PACC1: variants seen among roughly 807,000 people sequenced by gnomAD.
The protein encoded by PACC1 is proton activated chloride channel 1.
A neutral mutation model predicts 39.7 loss-of-function variants in PACC1; 34 were observed. That is an observed-to-expected ratio of 0.86 (90% CI 0.65 to 1.14). PACC1 has a LOEUF of 1.14. Among genes scored for constraint, PACC1 ranks in the 50% most tolerant of loss-of-function variants. PACC1 has a pLI of 0.00. For missense variants in PACC1, 379 were observed against 436.4 expected (o/e 0.87, Z 1.17); for synonymous variants, 127 against 160.6 (o/e 0.79, Z 1.58).
At chr1:212,372,482 C>T (rs1660498014) in intron 7 of PACC1, among the ~76,000 whole-genome samples, 1 of 151,984 alleles carries the variant, frequency 6.6e-6, no homozygotes, top group African/African-American at 2.4e-5. Flanking sequence ...CAACATAATA[C>T]TGGAAGTCCT....
chr1:212,384,257 T>C (rs3767867), intron 4 of PACC1, among the ~76,000 whole-genome samples: 70,736 of 152,026 alleles, frequency 0.47, 17,778 homozygotes, highest in African/African-American at 0.67. Flanking sequence ...AGAATCATTT[T>C]AGCAGGATTT....
At position 212,386,988 on chromosome 1, in the gene PACC1, G is replaced by A. The variant is rs781738430; in HGVS notation, c.246C>T (p.Val82=). The part of the protein sequence containing the change: ...FIYLLLMAVA[V]FLVYRTITDF... ...CTGTGATGGTCCGGTAGACCAGGAA[G>A]ACGGCCACAGCCATGAGCAGCAGGT... Residue 82 remains valine, a synonymous_variant, in exon 3 of 8, where the codon GTC becomes GTT. Coordinates refer to ENST00000261455, the MANE Select transcript of PACC1 (RefSeq NM_018252.3). The surrounding 1 kb of genome is among the most constrained non-coding windows in gnomAD (Gnocchi z 5.0). The A allele has an allele frequency of 3.1e-6, 5 of 1,614,222 alleles. No individual in the cohort carries two copies. In the East Asian group the frequency reaches 1.1e-4, roughly 36 times the overall value.
chr1:212,379,842 T>C, intron 5 of PACC1, 53 bp downstream of exon 5: 2 of 1,608,006 alleles, frequency 1.2e-6, no homozygotes, highest in Non-Finnish European at 1.7e-6. Flanking sequence ...CATACACAGC[T>C]GGAATAAGAT....
chr1:212,384,517 T>TC (rs1661024062), intron 4 of PACC1, among the ~76,000 whole-genome samples: 1 of 152,208 alleles, frequency 6.6e-6, no homozygotes, highest in African/African-American at 2.4e-5. Flanking sequence ...GTACAACATG[T>TC]CGTCTCTTCC....
intron 1 of PACC1, 124 bp from the exon 2 acceptor site, chr1:212,410,645 T>C (rs1662092171): frequency 1.2e-6 from 1 of 852,300 alleles, no homozygotes; most frequent in Admixed American, 1.8e-5. Flanking sequence ...TGACATAGAG[T>C]GTGTTACAGC....
intron 7 of PACC1, among the ~76,000 whole-genome samples, chr1:212,373,545 A>G (rs1660536312): frequency 1.3e-5 from 2 of 152,350 alleles, no homozygotes; most frequent in South Asian, 4.1e-4. Context: ...GAAACAATCA[A>G]CAAAGTTAAG....
At position 212,400,247 on chromosome 1, in the gene PACC1, T is replaced by G. The variant is rs116058918; in HGVS notation, c.133+10178A>C. ...GTGGACAGGTGTGTCCACTCTGCATTAAGCCAGATAAACATGATTTGAAAT... is the reference window on the plus strand; with the variant it reads ...GTGGACAGGTGTGTCCACTCTGCATGAAGCCAGATAAACATGATTTGAAAT... On this transcript the variant is annotated intron_variant, in intron 2 of 7. Transcript: ENST00000261455. Among the ~76,000 whole-genome samples, 365 of 152,324 alleles carry G rather than the reference T, an allele frequency of 2.4e-3. 1 individual carries two copies. Among genetic ancestry groups the G allele is most frequent in the African/African-American group, 8.3e-3 (345 of 41,564 alleles).
intron 2 of PACC1, among the ~76,000 whole-genome samples, chr1:212,403,031 G>A (rs1436283323): frequency 6.6e-6 from 1 of 152,130 alleles, no homozygotes; most frequent in Non-Finnish European, 1.5e-5. Flanking sequence ...TTTCTATGGA[G>A]AACTGATTGT....
chr1:212,392,084 T>A (rs6676887), intron 2 of PACC1, among the ~76,000 whole-genome samples: 2 of 152,036 alleles, frequency 1.3e-5, no homozygotes, highest in Admixed American at 6.6e-5. Context: ...ATTCAGGAAA[T>A]ACAGAGAATG....
intron 5 of PACC1, among the ~76,000 whole-genome samples, chr1:212,378,894 T>C (rs1660766097): frequency 6.6e-6 from 1 of 151,894 alleles, no homozygotes; most frequent in Non-Finnish European, 1.5e-5. Context: ...TGAAGGCCTT[T>C]ACAATGATCA....
intron 2 of PACC1, among the ~76,000 whole-genome samples, chr1:212,391,069 T>C (rs1661301725): frequency 1.3e-5 from 2 of 152,224 alleles, no homozygotes; most frequent in East Asian, 3.9e-4. Context: ...TAAATGTCCC[T>C]GTCTGACAGC....
intron 7 of PACC1, among the ~76,000 whole-genome samples, chr1:212,367,203 C>T (rs1363020618): frequency 6.6e-6 from 1 of 152,172 alleles, no homozygotes; most frequent in East Asian, 1.9e-4. Context: ...AAAGTATCTA[C>T]ACAAGAGCCA....
intron 4 of PACC1, among the ~76,000 whole-genome samples, chr1:212,384,944 A>G (rs1200119999): frequency 1.3e-5 from 2 of 152,276 alleles, no homozygotes; most frequent in African/African-American, 4.8e-5. Flanking sequence ...AATTCTGTCA[A>G]GTGGTCAGGT....
rs1015063005 is a variant in PACC1, at chr1:212,385,178, GGAA to G, written c.495+93_495+95del. 1.9e-5 allele frequency: 27 copies of G among 1,412,454 alleles called. 1 individual carries two copies. Among genetic ancestry groups the G allele is most frequent in the South Asian group, 1.7e-4 (14 of 81,894 alleles). The allele number at this position is 1,412,454 out of a possible 1,614,324, so 87.5% of individuals were successfully genotyped here. A position where few individuals can be genotyped will look rare whatever the true frequency, so the allele number is the denominator to read the frequency against. ...GACTAAGGCCCCACACTGAGTGAGT[GGAA>G]GAAGGACTCCTAGGAAAAAGGAAAC... On this transcript the variant is annotated intron_variant, in intron 4 of 7. Transcript: ENST00000261455.
At chr1:212,404,226 C>T (rs1321986193) in intron 2 of PACC1, among the ~76,000 whole-genome samples, 1 of 152,092 alleles carries the variant, frequency 6.6e-6, no homozygotes, top group African/African-American at 2.4e-5. Context: ...CCTGCCTCAG[C>T]CTCCCGAGTA....
intron 7 of PACC1, among the ~76,000 whole-genome samples, chr1:212,370,056 T>C (rs929313984): frequency 6.6e-6 from 1 of 152,180 alleles, no homozygotes; most frequent in Non-Finnish European, 1.5e-5. Context: ...AATACAGTAA[T>C]AGTAGGGGAC....
chr1:212,370,089 T>C (rs1660389859), intron 7 of PACC1, among the ~76,000 whole-genome samples: 1 of 152,182 alleles, frequency 6.6e-6, no homozygotes, highest in South Asian at 2.1e-4. Context: ...CTCACAAAAA[T>C]GGACAGCTTA....
chr1:212,375,128 C>A, intron 7 of PACC1, 65 bp downstream of exon 7: 1 of 1,292,942 alleles, frequency 7.7e-7, no homozygotes, highest in South Asian at 1.3e-5. Context: ...AATAATACAT[C>A]TATCATAATC....
chr1:212,414,153 G>A (rs1662241405), intron 1 of PACC1: 3 of 1,420,892 alleles, frequency 2.1e-6, no homozygotes, highest in Non-Finnish European at 2.8e-6. Context: ...AGACTGGAGG[G>A]AGAGACGAAG....
Sources: allele counts gnomAD v4.1 joint callset (sites outside exome capture counted in the v4.1 genomes callset), GRCh38; gene constraint gnomAD v4.1.1; non-coding constraint Gnocchi (gnomAD v3.1); transcripts MANE v1.5; gene names NCBI Gene and HGNC (gene_info 2026-07-23, HGNC 2026-07-21).